PDE3B: variants seen among roughly 807,000 people sequenced by gnomAD.
PDE3B encodes the protein phosphodiesterase 3B.
In PDE3B, 66 loss-of-function variants were observed where a neutral mutation model predicts 116.8. The ratio of observed to expected loss-of-function variants is 0.56; its 90% CI spans 0.46 to 0.69. The LOEUF (loss-of-function observed/expected upper bound fraction) is 0.69. Ranked by LOEUF, PDE3B falls within the 30% of genes least tolerant of loss-of-function variation. PDE3B has a pLI of 0.00. For synonymous variants in PDE3B, 595 were observed against 533.6 expected (o/e 1.12, Z -1.59); for missense variants, 1,384 against 1,368.1 (o/e 1.01, Z -0.18).
At chr11:14,818,912 G>A (rs1225122887) in intron 6 of PDE3B, among the ~76,000 whole-genome samples, 3 of 151,976 alleles carry the variant, frequency 2.0e-5, no homozygotes. Context: ...AATAGTAAGG[G>A]TTTACCTCAG....
At chr11:14,771,665 G>T (rs1254054775) in intron 1 of PDE3B, among the ~76,000 whole-genome samples, 2 of 151,520 alleles carry the variant, frequency 1.3e-5, no homozygotes, top group South Asian at 2.1e-4. Flanking sequence ...TGTGATTATG[G>T]ATTTATATTT....
At chr11:14,661,760 G>A (rs886803186) in intron 1 of PDE3B, among the ~76,000 whole-genome samples, 1 of 152,288 alleles carries the variant, frequency 6.6e-6, no homozygotes, top group Non-Finnish European at 1.5e-5. Context: ...GGGAAGGGGC[G>A]CCTGCCATTT....
chr11:14,664,513 CCGCTAA>C (rs1854058580), intron 1 of PDE3B, among the ~76,000 whole-genome samples: 1 of 143,390 alleles, frequency 7.0e-6, no homozygotes, highest in African/African-American at 2.4e-5. Flanking sequence ...AATTGATAGA[CCGCTAA>C]CAAGACTAAT....
intron 12 of PDE3B, among the ~76,000 whole-genome samples, chr11:14,847,170 C>T (rs1202005851): frequency 1.3e-5 from 2 of 152,172 alleles, no homozygotes; most frequent in Admixed American, 6.5e-5. Context: ...CAAACTGGAA[C>T]TCAGGATTAA....
intron 1 of PDE3B, among the ~76,000 whole-genome samples, chr11:14,759,418 C>T (rs960293182): frequency 4.6e-5 from 7 of 152,136 alleles, no homozygotes; most frequent in Admixed American, 1.3e-4. Flanking sequence ...TTTAAATCTG[C>T]ACCACATTCC....
At chr11:14,671,768 C>T (rs939108909) in intron 1 of PDE3B, among the ~76,000 whole-genome samples, 1 of 151,804 alleles carries the variant, frequency 6.6e-6, no homozygotes, top group African/African-American at 2.4e-5. Flanking sequence ...TGGCTCATCC[C>T]TGTAATCCTA....
At chr11:14,817,542 GTGT>G (rs776695079) in intron 5 of PDE3B, among the ~76,000 whole-genome samples, 1 of 152,124 alleles carries the variant, frequency 6.6e-6, no homozygotes, top group Admixed American at 6.5e-5. Context: ...TTGAGCCCAG[GTGT>G]TTGAGACCAG....
rs1290915467 is a variant in PDE3B at position 14,716,113 on chromosome 11, G to T, written c.979-55824G>T. Among the ~76,000 whole-genome samples, 4 of 152,266 alleles carry T rather than the reference G, an allele frequency of 2.6e-5. No homozygotes were observed. In the East Asian group the frequency reaches 7.7e-4, roughly 29 times the overall value. On this transcript the variant is annotated intron_variant, in intron 1 of 15. Coordinates refer to ENST00000282096, the MANE Select transcript of PDE3B (RefSeq NM_000922.4). ...CGAGGCATTGCCTCACCTGGGAAGCGCAAGGGGTCAGGGAGTTCCCTTTCC... is the reference window on the plus strand; with the variant it reads ...CGAGGCATTGCCTCACCTGGGAAGCTCAAGGGGTCAGGGAGTTCCCTTTCC...
At chr11:14,737,618 A>T (rs994906014) in intron 1 of PDE3B, among the ~76,000 whole-genome samples, 2 of 151,884 alleles carry the variant, frequency 1.3e-5, no homozygotes, top group Non-Finnish European at 2.9e-5. Flanking sequence ...AAAATTAACC[A>T]TTTTTTTTAT....
At position 14,644,562 on chromosome 11, in the gene PDE3B, C is replaced by G. The variant is rs1472619513; in HGVS notation, c.487C>G (p.Leu163Val). The change falls in exon 1 of 16, where the codon CTG becomes GTG. Residue 163 changes from leucine (L) to valine (V), a missense_variant. Leu to Val is a conservative substitution (Grantham distance 32). Transcript: ENST00000282096. ...WLLALPACCY[L>V]GDFLVWQWWS... is the part of the protein sequence containing the mutation. ...GCTGGCGCTGCCCGCCTGCTGTTAC[C>G]TGGGGGACTTCTTGGTGTGGCAGTG... 1.3e-6 allele frequency: 2 copies of G among 1,596,400 alleles called. No individual in the cohort carries two copies. Among genetic ancestry groups the G allele is most frequent in the Non-Finnish European group, 8.5e-7 (1 of 1,171,654 alleles).
rs567724028 is a variant in PDE3B, at chr11:14,714,855, G to C, written c.979-57082G>C. Reference sequence around the variant, plus strand: ...CTGTATGAGACATTGCAGTTCTGGAGCTTAAGAAGTTTTGGCTTGTTTCTA... The same window carrying C: ...CTGTATGAGACATTGCAGTTCTGGACCTTAAGAAGTTTTGGCTTGTTTCTA... On this transcript the variant is annotated intron_variant, in intron 1 of 15. Coordinates refer to ENST00000282096, the MANE Select transcript of PDE3B (RefSeq NM_000922.4). 2.6e-5 allele frequency among the ~76,000 whole-genome samples: 4 copies of C among 152,244 alleles called. No homozygotes were observed. In the East Asian group the frequency reaches 7.7e-4, roughly 29 times the overall value.
At chr11:14,817,561 G>T (rs1369590419) in intron 5 of PDE3B, among the ~76,000 whole-genome samples, 1 of 152,118 alleles carries the variant, frequency 6.6e-6, no homozygotes, top group African/African-American at 2.4e-5. Context: ...ACCAGCCTGG[G>T]CAACATCTTG....
intron 1 of PDE3B, among the ~76,000 whole-genome samples, chr11:14,721,723 A>G (rs1458527927): frequency 8.7e-5 from 7 of 80,194 alleles, no homozygotes; most frequent in Admixed American, 7.5e-4. Flanking sequence ...GAATTGAACA[A>G]TGAGATCACA....
chr11:14,708,313 A>C (rs144966869), intron 1 of PDE3B, among the ~76,000 whole-genome samples: 126 of 152,196 alleles, frequency 8.3e-4, no homozygotes, highest in African/African-American at 2.8e-3. Context: ...CCCTAGATGC[A>C]GATGTCCATT....
chr11:14,892,267 C>T, the PDE3B span: 1 of 1,492,332 alleles, frequency 6.7e-7, no homozygotes, highest in Non-Finnish European at 9.1e-7. Context: ...CCCTCCAGCC[C>T]TGCCATACTC....
In PDE3B at chr11:14,789,254, A is replaced by G. The variant is rs1858312480; in HGVS notation, c.1415+12A>G. On this transcript the variant is annotated intron_variant, in intron 4 of 15. Coordinates refer to ENST00000282096, the MANE Select transcript of PDE3B (RefSeq NM_000922.4). Reference sequence around the variant, plus strand: ...TTTGGCATTTCAAGGTAAAATCTGCAGAGCCTTTTAAGAAACTTGAATCAA... The same window carrying G: ...TTTGGCATTTCAAGGTAAAATCTGCGGAGCCTTTTAAGAAACTTGAATCAA... The G allele has an allele frequency of 2.5e-6, 4 of 1,591,870 alleles. No homozygotes were observed. In the East Asian group the frequency reaches 9.0e-5, roughly 36 times the overall value.
At chr11:14,757,480 T>C (rs1479399726) in intron 1 of PDE3B, among the ~76,000 whole-genome samples, 1 of 151,626 alleles carries the variant, frequency 6.6e-6, no homozygotes, top group Non-Finnish European at 1.5e-5. Flanking sequence ...TCCTGACTTT[T>C]TAATGACTGC....
chr11:14,712,466 GTTTTT>G (rs58004646), intron 1 of PDE3B, among the ~76,000 whole-genome samples: 5 of 76,296 alleles, frequency 6.6e-5, no homozygotes, highest in African/African-American at 3.1e-4. Context: ...GTACAAGCTT[GTTTTT>G]TTTTTTTTTT....
Position 14,789,019 on chromosome 11 carries a change from A to G in PDE3B, c.1279-87A>G, listed in dbSNP as rs1157138220. The G allele has an allele frequency of 6.7e-6, 6 of 895,734 alleles. No homozygotes were observed. The South Asian group carries it at 7.7e-5, about 11-fold the overall frequency. The allele number at this position is 895,734 out of a possible 1,614,324, so 55.5% of individuals were successfully genotyped here. ...TGTACATGTTAAAAATATACTTTGTATTGATACTTTCATGTGCCATCACTA... is the reference window on the plus strand; with the variant it reads ...TGTACATGTTAAAAATATACTTTGTGTTGATACTTTCATGTGCCATCACTA... On this transcript the variant is annotated intron_variant, in intron 3 of 15. Coordinates refer to ENST00000282096, the MANE Select transcript of PDE3B (RefSeq NM_000922.4).
Sources: gnomAD v4.1 joint callset for allele counts (sites outside exome capture counted in the v4.1 genomes callset) on GRCh38, gnomAD v4.1.1 for gene constraint, MANE v1.5 for transcripts, NCBI Gene and HGNC (gene_info 2026-07-23, HGNC 2026-07-21) for gene names.